ECPAS: variants seen among roughly 807,000 people sequenced by gnomAD.
ECPAS encodes the protein proteasome adapter and scaffold protein ECM29.
ECPAS carries 70 observed loss-of-function variants against 255.1 expected under a neutral mutation model. That is an observed-to-expected ratio of 0.27 (90% CI 0.23 to 0.33). ECPAS has a LOEUF of 0.33. Among genes scored for constraint, ECPAS ranks in the 10% least tolerant of loss-of-function variants. The pLI is 1.00. For synonymous variants in ECPAS, 784 were observed against 775.0 expected (o/e 1.01, Z -0.19); for missense variants, 1,817 against 2,206.4 (o/e 0.82, Z 3.54).
At chr9:111,426,103 C>T (rs1425042667) in intron 10 of ECPAS, among the ~76,000 whole-genome samples, 1 of 152,178 alleles carries the variant, frequency 6.6e-6, no homozygotes, top group Non-Finnish European at 1.5e-5. Context: ...TGCAGTGGGT[C>T]ACCACTCAGC....
At chr9:111,455,607 T>A (rs778609781) in intron 2 of ECPAS, among the ~76,000 whole-genome samples, 3 of 152,256 alleles carry the variant, frequency 2.0e-5, no homozygotes, top group Non-Finnish European at 4.4e-5. Context: ...TGGTTCATTG[T>A]GCCTGTCTGT....
At chr9:111,479,790 C>G (rs1238406852) in intron 1 of ECPAS, among the ~76,000 whole-genome samples, 1 of 151,920 alleles carries the variant, frequency 6.6e-6, no homozygotes, top group Non-Finnish European at 1.5e-5. Context: ...ACCAACCTGG[C>G]CAAGATGGTG....
chr9:111,413,774 A>T (rs569186715), intron 20 of ECPAS, 121 bp downstream of exon 20: 1 of 508,004 alleles, frequency 2.0e-6, no homozygotes, highest in African/African-American at 2.0e-5. Context: ...ATGATAAGAG[A>T]GTTTTCAAAA....
At chr9:111,376,424 T>A in intron 37 of ECPAS, 52 bp downstream of exon 37, 1 of 1,404,998 alleles carries the variant, frequency 7.1e-7, no homozygotes, top group South Asian at 1.2e-5. Flanking sequence ...TTTGAAGAAT[T>A]ACACTTTCAG....
At chr9:111,371,414 T>C (rs1179008588) in intron 43 of ECPAS, among the ~76,000 whole-genome samples, 1 of 152,190 alleles carries the variant, frequency 6.6e-6, no homozygotes, top group Non-Finnish European at 1.5e-5. Flanking sequence ...AGCATTACTG[T>C]CCATTATGCA....
intron 48 of ECPAS, 114 bp from the exon 49 acceptor site, chr9:111,363,773 A>T: frequency 3.2e-6 from 2 of 616,256 alleles, no homozygotes; most frequent in Middle Eastern, 6.0e-4. Context: ...AGGGAAGGGT[A>T]TATCTGATTT....
rs372466138 is a variant in ECPAS at position 111,402,974 on chromosome 9, C to G, written c.2652+5597G>C. Among the ~76,000 whole-genome samples the G allele has an allele frequency of 2.3e-4, 35 of 152,188 alleles. 1 individual carries two copies. In the South Asian group the frequency reaches 6.6e-3, roughly 29 times the overall value. On this transcript the variant is annotated intron_variant, in intron 24 of 49. Transcript: ENST00000684092. ...TCTTTACCTAACAATAATAAACTGA[C>G]TGTTGATGGACTAACTTATCTGATT...
At chr9:111,383,431 G>A (rs1467461804) in intron 34 of ECPAS, 99 bp from the exon 35 acceptor site, 35 of 1,395,686 alleles carry the variant, frequency 2.5e-5, no homozygotes, top group Non-Finnish European at 3.9e-6. Flanking sequence ...CTACAGGGAA[G>A]AATAAGTGAA....
intron 3 of ECPAS, among the ~76,000 whole-genome samples, chr9:111,446,999 G>T (rs902647146): frequency 6.6e-6 from 1 of 152,172 alleles, no homozygotes; most frequent in African/African-American, 2.4e-5. Context: ...TAGTCTAAAG[G>T]AAAGAGCCCT....
At chr9:111,378,473 G>A in intron 36 of ECPAS, 107 bp downstream of exon 36, 3 of 1,131,956 alleles carry the variant, frequency 2.7e-6, no homozygotes, top group Admixed American at 2.3e-5. Flanking sequence ...GGTGACAGAG[G>A]GTGAGTTCTG....
At chr9:111,467,201 AGAGAAAAAAGAAGAGAAGAGAT>A (rs1208747783) in intron 2 of ECPAS, among the ~76,000 whole-genome samples, 1 of 152,196 alleles carries the variant, frequency 6.6e-6, no homozygotes, top group Non-Finnish European at 1.5e-5. Flanking sequence ...AAAAAAGAGA[AGAGAAAAAAGAAGAGAAGAGAT>A]GAGAAAAAAG....
intron 31 of ECPAS, 91 bp downstream of exon 31, chr9:111,389,465 A>G: frequency 1.7e-6 from 2 of 1,151,180 alleles, no homozygotes; most frequent in Non-Finnish European, 2.4e-6. Context: ...CATAAAAAGT[A>G]GAAAGGAAGA....
At chr9:111,413,102 C>T (rs2098197285) in intron 20 of ECPAS, among the ~76,000 whole-genome samples, 1 of 152,152 alleles carries the variant, frequency 6.6e-6, no homozygotes, top group Admixed American at 6.5e-5. Context: ...ACATTGGTAC[C>T]ACACACGGAG....
intron 2 of ECPAS, among the ~76,000 whole-genome samples, chr9:111,456,362 T>A (rs2098266958): frequency 1.3e-5 from 2 of 152,198 alleles, no homozygotes; most frequent in South Asian, 4.1e-4. Flanking sequence ...GGTCACAGAT[T>A]AATTAGCAGC....
chr9:111,366,206 A>C, intron 48 of ECPAS, 33 bp downstream of exon 48: 83 of 1,233,098 alleles, frequency 6.7e-5, no homozygotes, highest in Middle Eastern at 1.9e-4. Flanking sequence ...TAAAATTAGG[A>C]CTCCCTCATC....
intron 23 of ECPAS, 65 bp downstream of exon 23, chr9:111,409,976 T>G (rs1241549596): frequency 1.5e-5 from 18 of 1,177,734 alleles, no homozygotes; most frequent in Non-Finnish European, 2.2e-5. Flanking sequence ...TTATAATCTG[T>G]TTTTGCTCAT....
At chr9:111,430,331 T>C (rs932708500) in intron 9 of ECPAS, among the ~76,000 whole-genome samples, 5 of 152,184 alleles carry the variant, frequency 3.3e-5, no homozygotes, top group Non-Finnish European at 5.9e-5. Flanking sequence ...CTCTAGACAG[T>C]TTGTCATTGT....
intron 20 of ECPAS, among the ~76,000 whole-genome samples, chr9:111,412,947 C>A (rs1192743499): frequency 2.0e-5 from 3 of 151,716 alleles, no homozygotes; most frequent in Non-Finnish European, 4.4e-5. Context: ...TATGGGCCAA[C>A]ACTTATACAA....
chr9:111,432,774 T>C (rs1487197539), intron 8 of ECPAS, among the ~76,000 whole-genome samples: 1 of 152,268 alleles, frequency 6.6e-6, no homozygotes, highest in East Asian at 1.9e-4. Flanking sequence ...TCTATAAGTC[T>C]ATTTCCTATC....
Sources: allele counts gnomAD v4.1 joint callset (sites outside exome capture counted in the v4.1 genomes callset), GRCh38; gene constraint gnomAD v4.1.1; transcripts MANE v1.5; gene names NCBI Gene and HGNC (gene_info 2026-07-23, HGNC 2026-07-21).